The following ZMYM4 variants were observed in gnomAD, a reference collection of about 807,000 sequenced individuals.
ZMYM4 encodes zinc finger MYM-type protein 4.
Under a neutral mutation model 183.2 loss-of-function variants are expected in ZMYM4, and 31 were observed. That is an observed-to-expected ratio of 0.17 (90% CI 0.13 to 0.23). ZMYM4 has a LOEUF of 0.23. ZMYM4 is among the 10% of genes least tolerant of loss of function. The pLI is 1.00. For missense variants in ZMYM4, 1,273 were observed against 1,840.3 expected, an observed-to-expected ratio of 0.69 and a Z score of 5.64; for synonymous variants, 592 against 631.2, an observed-to-expected ratio of 0.94 and a Z score of 0.93.
chr1:35,327,685 A>C (rs1642563195), intron 2 of ZMYM4, among the ~76,000 whole-genome samples: 1 of 152,204 alleles, frequency 6.6e-6, no homozygotes, highest in African/African-American at 2.4e-5. Context: ...ATCATTTTAG[A>C]TATATACTAG....
intron 1 of ZMYM4, among the ~76,000 whole-genome samples, chr1:35,310,829 C>T (rs889031850): frequency 6.6e-6 from 1 of 152,102 alleles, no homozygotes; most frequent in African/African-American, 2.4e-5. Flanking sequence ...CTGTCTGCCT[C>T]GGCCTCCCAA....
chr1:35,349,724 G>A (rs1370677333), intron 2 of ZMYM4, among the ~76,000 whole-genome samples: 1 of 151,562 alleles, frequency 6.6e-6, no homozygotes, highest in Non-Finnish European at 1.5e-5. Context: ...CAGCTGCTTG[G>A]GAGGCTGAGG....
chr1:35,308,570 G>A (rs1263704426), intron 1 of ZMYM4, among the ~76,000 whole-genome samples: 1 of 152,072 alleles, frequency 6.6e-6, no homozygotes, highest in Non-Finnish European at 1.5e-5. Flanking sequence ...AGTTAAGAGT[G>A]GATGATAAGA....
At chr1:35,294,864 T>G (rs1570277580) in intron 1 of ZMYM4, among the ~76,000 whole-genome samples, 1 of 152,150 alleles carries the variant, frequency 6.6e-6, no homozygotes, top group East Asian at 1.9e-4. Flanking sequence ...GGTAAATGTC[T>G]TTGAAATATC....
intron 1 of ZMYM4, among the ~76,000 whole-genome samples, chr1:35,285,229 G>T (rs1273471449): frequency 6.6e-6 from 1 of 151,956 alleles, no homozygotes; most frequent in Admixed American, 6.6e-5. Context: ...TTAGGATTTT[G>T]ACAGGGATCA....
chr1:35,318,619 G>A (rs964541464), intron 1 of ZMYM4, among the ~76,000 whole-genome samples: 1 of 151,378 alleles, frequency 6.6e-6, no homozygotes, highest in Non-Finnish European at 1.5e-5. Flanking sequence ...CACCACACCT[G>A]GCTAATTTTT....
intron 1 of ZMYM4, among the ~76,000 whole-genome samples, chr1:35,290,134 A>G (rs1640690658): frequency 6.6e-6 from 1 of 151,936 alleles, no homozygotes; most frequent in South Asian, 2.1e-4. Flanking sequence ...CGCCCAGCTA[A>G]TTTTTGTATT....
intron 3 of ZMYM4, among the ~76,000 whole-genome samples, chr1:35,360,023 C>T (rs1206709170): frequency 1.3e-5 from 2 of 151,968 alleles, no homozygotes; most frequent in Admixed American, 1.3e-4. Flanking sequence ...GAATATATCA[C>T]ATATTTCCTT....
At chr1:35,412,084 G>A (rs1229025863) in intron 26 of ZMYM4, among the ~76,000 whole-genome samples, 1 of 151,456 alleles carries the variant, frequency 6.6e-6, no homozygotes, top group Non-Finnish European at 1.5e-5. Flanking sequence ...GTAGAGACAG[G>A]GTTTCACCGT....
chr1:35,404,142 G>GCAACCT (rs1644961790), intron 23 of ZMYM4, among the ~76,000 whole-genome samples: 1 of 152,184 alleles, frequency 6.6e-6, no homozygotes, highest in African/African-American at 2.4e-5. Flanking sequence ...ATGGCTCGCT[G>GCAACCT]CAACCTCAAC....
intron 2 of ZMYM4, among the ~76,000 whole-genome samples, chr1:35,326,631 CAG>C (rs1467461092): frequency 2.0e-5 from 3 of 152,170 alleles, no homozygotes; most frequent in Non-Finnish European, 4.4e-5. Context: ...CTGGCAGCCT[CAG>C]GGCACAAGGC....
intron 7 of ZMYM4, among the ~76,000 whole-genome samples, chr1:35,380,814 CTG>C (rs1047667314): frequency 4.6e-4 from 70 of 152,094 alleles, no homozygotes; most frequent in African/African-American, 5.1e-4. Context: ...TTTTATATAA[CTG>C]TGCTAGAATA....
chr1:35,272,960 C>T (rs967650679), intron 1 of ZMYM4, among the ~76,000 whole-genome samples: 2 of 152,120 alleles, frequency 1.3e-5, no homozygotes, highest in East Asian at 1.9e-4. Context: ...GTGATCCACC[C>T]GCCTCGGCCT....
chr1:35,280,585 A>G (rs1640108221), intron 1 of ZMYM4, among the ~76,000 whole-genome samples: 1 of 152,232 alleles, frequency 6.6e-6, no homozygotes, highest in Non-Finnish European at 1.5e-5. Context: ...TGGAGGCTAA[A>G]AGTTTGAAAT....
intron 27 of ZMYM4, among the ~76,000 whole-genome samples, chr1:35,414,507 C>T (rs1437892958): frequency 6.6e-6 from 1 of 152,124 alleles, no homozygotes; most frequent in Non-Finnish European, 1.5e-5. Context: ...CTCCAGGTCT[C>T]AGGCTGAGGT....
At position 35,408,281 on chromosome 1, in the gene ZMYM4, GTTTT is replaced by G; in HGVS notation, c.3948+124_3948+127del. 3 of 1,243,206 alleles carry G rather than the reference GTTTT, an allele frequency of 2.4e-6. No individual in the cohort carries two copies. In the East Asian group the frequency reaches 7.6e-5, roughly 31 times the overall value. The allele number at this position is 1,243,206 out of a possible 1,614,324, so 77.0% of individuals were successfully genotyped here. ...ATACTGGTATTTTCATTGGAACATT[GTTTT>G]TAACAACAAATTGGAAACCGCTCAA... On this transcript the variant is annotated intron_variant, in intron 26 of 29. Transcript: ENST00000314607.
rs543601669 is a variant in ZMYM4, at chr1:35,406,748, G to A, written c.3797-1260G>A. On this transcript the variant is annotated intron_variant, in intron 25 of 29. Coordinates refer to ENST00000314607, the MANE Select transcript of ZMYM4 (RefSeq NM_005095.3). ...CATGGTCGGTGCTCTCATGAGATAC[G>A]GCTTGCTTTAACTAAAACCCAACTC... Among the ~76,000 whole-genome samples the A allele has an allele frequency of 1.0e-3, 159 of 152,182 alleles. 1 individual carries two copies. Among genetic ancestry groups the A allele is most frequent in the African/African-American group, 3.7e-3 (154 of 41,502 alleles).
rs192842139 is a variant in ZMYM4, at chr1:35,389,107, T to A, written c.2436+25T>A. 28 of 1,587,232 alleles carry A rather than the reference T, an allele frequency of 1.8e-5. No homozygotes were observed. In the Admixed American group the frequency reaches 4.8e-4, roughly 27 times the overall value. ...GGTAAATAGAATTCACATTCCTGGG[T>A]TTTTCATTCTAGGGCATAAATTATT... is the stretch of plus-strand genomic sequence containing the variant. On this transcript the variant is annotated intron_variant, in intron 14 of 29. Coordinates refer to ENST00000314607, the MANE Select transcript of ZMYM4 (RefSeq NM_005095.3). This position sits in a 1 kb window ranked among gnomAD's most constrained non-coding sequence, Gnocchi z 4.0.
chr1:35,383,347 T>C (rs1174650283), intron 9 of ZMYM4, among the ~76,000 whole-genome samples: 1 of 152,204 alleles, frequency 6.6e-6, no homozygotes, highest in Non-Finnish European at 1.5e-5. Flanking sequence ...CATTTGCTAA[T>C]CATTCTTTTC....
Sources: gnomAD v4.1 joint callset for allele counts (sites outside exome capture counted in the v4.1 genomes callset) on GRCh38, gnomAD v4.1.1 for gene constraint, Gnocchi (gnomAD v3.1) non-coding constraint, MANE v1.5 for transcripts, NCBI Gene and HGNC (gene_info 2026-07-23, HGNC 2026-07-21) for gene names.